The following EEA1 variants were observed in gnomAD, a reference collection of about 807,000 sequenced individuals.
EEA1 encodes the protein early endosome antigen 1, 162kD.
A neutral mutation model predicts 209.2 loss-of-function variants in EEA1; 111 were observed. The ratio of observed to expected loss-of-function variants is 0.53; its 90% CI spans 0.45 to 0.62. The LOEUF is 0.62. Ranked by LOEUF, EEA1 falls within the 20% of genes least tolerant of loss-of-function variation. The pLI is 0.00. For missense variants in EEA1, 1,343 were observed against 1,530.8 expected (o/e 0.88, Z 2.05); for synonymous variants, 536 against 540.6 (o/e 0.99, Z 0.12).
intron 1 of EEA1, among the ~76,000 whole-genome samples, chr12:92,898,688 T>A (rs1263432643): frequency 6.7e-6 from 1 of 149,412 alleles, no homozygotes; most frequent in Non-Finnish European, 1.5e-5. Context: ...AGAAGGAACA[T>A]TACTTGTGTA....
chr12:92,888,534 G>A (rs992818129), intron 2 of EEA1, among the ~76,000 whole-genome samples: 4 of 150,598 alleles, frequency 2.7e-5, no homozygotes, highest in Non-Finnish European at 4.4e-5. Context: ...CCGAGATCGC[G>A]CCACTGCACT....
In EEA1 at chr12:92,780,643, T is replaced by C. The variant is rs79299869; in HGVS notation, c.3337-232A>G. On this transcript the variant is annotated intron_variant, in intron 23 of 28. Transcript: ENST00000322349. ...GTTATAGTTAATATTGTGAGATAAATTGTACCTGGTCAGAGTAATGATACT... is the reference window on the plus strand; with the variant it reads ...GTTATAGTTAATATTGTGAGATAAACTGTACCTGGTCAGAGTAATGATACT... Among the ~76,000 whole-genome samples the C allele has an allele frequency of 6.2e-3, 948 of 152,272 alleles. 19 individuals carry two copies. Among genetic ancestry groups the C allele is most frequent in the African/African-American group, 0.022 (904 of 41,556 alleles).
At chr12:92,883,636 G>A (rs990219483) in intron 2 of EEA1, 2 of 537,652 alleles carry the variant, frequency 3.7e-6, no homozygotes, top group Non-Finnish European at 6.4e-6. Flanking sequence ...TAAGCCACAT[G>A]ATTTTCTTAA....
chr12:92,837,803 T>C (rs1336409671), intron 10 of EEA1, among the ~76,000 whole-genome samples: 1 of 152,228 alleles, frequency 6.6e-6, no homozygotes, highest in African/African-American at 2.4e-5. Flanking sequence ...CCTATCCACG[T>C]TGATACTACC....
intron 2 of EEA1, among the ~76,000 whole-genome samples, chr12:92,886,270 G>A (rs1288401716): frequency 1.3e-5 from 2 of 148,732 alleles, no homozygotes; most frequent in Non-Finnish European, 3.0e-5. Context: ...AAGAGGCTGA[G>A]GTGGGAGGAA....
chr12:92,804,052 T>C (rs970828539), intron 18 of EEA1, among the ~76,000 whole-genome samples: 4 of 152,068 alleles, frequency 2.6e-5, no homozygotes, highest in Non-Finnish European at 1.5e-5. Flanking sequence ...CTATAATATC[T>C]CTTTTTAGAA....
chr12:92,794,742 GC>G (rs1874578647), intron 21 of EEA1, among the ~76,000 whole-genome samples: 1 of 148,850 alleles, frequency 6.7e-6, no homozygotes. Context: ...GGGGTGGGGG[GC>G]TGGGGGAGGG....
intron 1 of EEA1, among the ~76,000 whole-genome samples, chr12:92,928,338 G>C (rs1486189346): frequency 6.6e-6 from 1 of 152,206 alleles, no homozygotes; most frequent in Non-Finnish European, 1.5e-5. Context: ...CAGAAACTAA[G>C]TGTATATACC....
intron 14 of EEA1, among the ~76,000 whole-genome samples, chr12:92,818,732 C>T (rs1198977076): frequency 2.0e-5 from 3 of 152,126 alleles, no homozygotes; most frequent in Admixed American, 6.6e-5. Flanking sequence ...AAAAAAGCAA[C>T]TGTAAATTCT....
Position 92,827,899 on chromosome 12 carries a change from A to C in EEA1, c.1404+13T>G. On this transcript the variant is annotated intron_variant, in intron 12 of 28. Transcript: ENST00000322349. Reference sequence around the variant, plus strand: ...GCCTCAAGCCTATCAATAAATTGAAAATGCTAGCTTACCTGCTCTTCTAAC... The same window carrying C: ...GCCTCAAGCCTATCAATAAATTGAACATGCTAGCTTACCTGCTCTTCTAAC... 8 of 1,534,974 alleles carry C rather than the reference A, an allele frequency of 5.2e-6. No homozygotes were observed. Among genetic ancestry groups the C allele is most frequent in the Non-Finnish European group, 7.0e-6 (8 of 1,146,230 alleles).
At chr12:92,785,305 C>G (rs950093169) in intron 22 of EEA1, among the ~76,000 whole-genome samples, 1 of 152,086 alleles carries the variant, frequency 6.6e-6, no homozygotes, top group Non-Finnish European at 1.5e-5. Flanking sequence ...ATAGATCAGG[C>G]CAGGCTACCT....
intron 8 of EEA1, 90 bp from the exon 9 acceptor site, chr12:92,851,356 A>G: frequency 1.6e-6 from 2 of 1,279,990 alleles, no homozygotes; most frequent in Non-Finnish European, 2.2e-6. Flanking sequence ...AGGAATCAAA[A>G]GGGAAACAAT....
At chr12:92,812,003 T>A (rs1875540005) in intron 16 of EEA1, among the ~76,000 whole-genome samples, 1 of 152,214 alleles carries the variant, frequency 6.6e-6, no homozygotes, top group Non-Finnish European at 1.5e-5. Flanking sequence ...TTCTGTTTTT[T>A]AACTTGATAT....
rs1047397660 is a variant in EEA1, at chr12:92,793,909, C to T, written c.2967+4983G>A. 3.3e-5 allele frequency among the ~76,000 whole-genome samples: 5 copies of T among 152,016 alleles called. No homozygotes were observed. In the East Asian group the frequency reaches 5.8e-4, roughly 18 times the overall value. ...CTAATTAAACTAAAGAGCTTCCGCA[C>T]GGCAAAAGAAACTACCATCAGAGCG... On this transcript the variant is annotated intron_variant, in intron 21 of 28. Transcript: ENST00000322349.
chr12:92,922,478 T>C (rs1339091376), intron 1 of EEA1, among the ~76,000 whole-genome samples: 3 of 152,236 alleles, frequency 2.0e-5, no homozygotes, highest in African/African-American at 7.2e-5. Context: ...GGTTTGTTTT[T>C]AAGAATTCCA....
At chr12:92,825,153 G>A (rs915533570) in intron 13 of EEA1, among the ~76,000 whole-genome samples, 3 of 152,216 alleles carry the variant, frequency 2.0e-5, no homozygotes, top group Non-Finnish European at 4.4e-5. Flanking sequence ...CGGGTGCAGT[G>A]GCTCATGCCT....
chr12:92,786,434 T>C (rs1874135575), intron 22 of EEA1, among the ~76,000 whole-genome samples: 1 of 152,166 alleles, frequency 6.6e-6, no homozygotes, highest in Non-Finnish European at 1.5e-5. Flanking sequence ...CTATTGCTAA[T>C]TTTTACCTCC....
At chr12:92,904,657 A>G (rs1880295304) in intron 1 of EEA1, among the ~76,000 whole-genome samples, 1 of 152,258 alleles carries the variant, frequency 6.6e-6, no homozygotes, top group Admixed American at 6.5e-5. Context: ...TCCCCTCCTC[A>G]GGTTTGATAA....
chr12:92,861,719 GAAC>G (rs1157620044), intron 3 of EEA1, among the ~76,000 whole-genome samples: 6 of 151,820 alleles, frequency 4.0e-5, no homozygotes, highest in East Asian at 3.8e-4. Flanking sequence ...AAAAGATACA[GAAC>G]AACGTAGAAT....
Sources: gnomAD v4.1 joint callset for allele counts (sites outside exome capture counted in the v4.1 genomes callset) on GRCh38, gnomAD v4.1.1 for gene constraint, MANE v1.5 for transcripts, NCBI Gene and HGNC (gene_info 2026-07-23, HGNC 2026-07-21) for gene names.